OVCH1: variants seen among roughly 807,000 people sequenced by gnomAD.
The protein encoded by OVCH1 is ovochymase 1.
In OVCH1, 139 loss-of-function variants were observed where a neutral mutation model predicts 138.4. The observed-to-expected ratio is 1.00, with a 90% CI of 0.87 to 1.16. The LOEUF is 1.16. Ranked by LOEUF, OVCH1 falls within the 50% of genes most tolerant of loss-of-function variation. The probability of loss-of-function intolerance (pLI) is 0.00; values close to 1 mark genes in which losing one functional copy is unlikely to be tolerated. For synonymous variants in OVCH1, 453 were observed against 467.8 expected, an observed-to-expected ratio of 0.97 and a Z score of 0.41; for missense variants, 1,367 against 1,357.9, an observed-to-expected ratio of 1.01 and a Z score of -0.11.
intron 17 of OVCH1, among the ~76,000 whole-genome samples, 175 bp downstream of exon 17, chr12:29,464,972 A>T (rs1376238175): frequency 1.3e-5 from 2 of 152,186 alleles, no homozygotes; most frequent in Non-Finnish European, 2.9e-5. Flanking sequence ...TACTTCCTGC[A>T]ATTCTCAAGT....
At chr12:29,483,365 G>T (rs1417592491) in intron 8 of OVCH1, among the ~76,000 whole-genome samples, 1 of 152,154 alleles carries the variant, frequency 6.6e-6, no homozygotes, top group East Asian at 1.9e-4. Context: ...TCACAAGTTT[G>T]CCTGAGACAA....
Position 29,451,578 on chromosome 12 carries a change from C to G in OVCH1, c.2531-9G>C, listed in dbSNP as rs1187724955. On this transcript the variant is annotated splice_polypyrimidine_tract_variant and intron_variant, in intron 21 of 27. Coordinates refer to ENST00000318184, the Ensembl canonical transcript of OVCH1. ...TGCTTCAGAGCAACAACCTGCAATT[C>G]AGAACACACAGACACCAGGGACCAA... 5.0e-6 allele frequency: 8 copies of G among 1,596,100 alleles called. No homozygotes were observed. The highest frequency in any genetic ancestry group is 2.7e-5 in the African/African-American group (2 of 74,654).
intron 25 of OVCH1, chr12:29,440,649 T>TA (rs1234341885): frequency 2.2e-6 from 1 of 449,062 alleles, no homozygotes; most frequent in African/African-American, 2.0e-5. Context: ...ATACATCATT[T>TA]TCATAGATAC....
chr12:29,431,685 C>G (rs1448511662), intron 27 of OVCH1, among the ~76,000 whole-genome samples: 1 of 152,100 alleles, frequency 6.6e-6, no homozygotes. Context: ...CGTGTTTTAT[C>G]TGCAATCTTA....
chr12:29,446,774 G>A (rs977010822), intron 22 of OVCH1, among the ~76,000 whole-genome samples: 4 of 151,848 alleles, frequency 2.6e-5, no homozygotes, highest in Non-Finnish European at 4.4e-5. Context: ...CAGGTATAGA[G>A]TCACTTTGCC....
intron 22 of OVCH1, among the ~76,000 whole-genome samples, chr12:29,446,913 C>T (rs185153193): frequency 1.5e-4 from 22 of 151,290 alleles, no homozygotes; most frequent in African/African-American, 5.1e-4. Context: ...AAGACATGTA[C>T]GGATACATTT....
intron 3 of OVCH1, among the ~76,000 whole-genome samples, chr12:29,413,811 C>A (rs1006489563): frequency 6.6e-6 from 1 of 152,120 alleles, no homozygotes; most frequent in Non-Finnish European, 1.5e-5. Flanking sequence ...TTTTACTGTT[C>A]TTAAAAAAAT....
chr12:29,430,694 A>G (rs1941253120), intron 27 of OVCH1, among the ~76,000 whole-genome samples: 1 of 152,220 alleles, frequency 6.6e-6, no homozygotes, highest in Non-Finnish European at 1.5e-5. Flanking sequence ...GTTTCCAGGC[A>G]GTGGGTGAGC....
chr12:29,443,585 T>C, intron 24 of OVCH1, 85 bp from the exon 25 acceptor site: 1 of 1,322,490 alleles, frequency 7.6e-7, no homozygotes, highest in Non-Finnish European at 1.0e-6. Flanking sequence ...AATGCATCAA[T>C]GTTATTGACC....
intron 25 of OVCH1, among the ~76,000 whole-genome samples, chr12:29,441,858 A>G (rs1171230024): frequency 1.3e-5 from 2 of 152,180 alleles, no homozygotes; most frequent in African/African-American, 4.8e-5. Context: ...GCAGCCAAAA[A>G]ACACATGAAA....
At chr12:29,417,472 A>G (rs984330630) in intron 3 of OVCH1, among the ~76,000 whole-genome samples, 2 of 149,474 alleles carry the variant, frequency 1.3e-5, no homozygotes, top group Admixed American at 1.3e-4. Context: ...AAAAAAAAAA[A>G]AAAAAAAAAA....
downstream of OVCH1, among the ~76,000 whole-genome samples, chr12:29,422,843 C>CTT (rs1941124235): frequency 6.6e-6 from 1 of 152,130 alleles, no homozygotes; most frequent in Non-Finnish European, 1.5e-5. Flanking sequence ...TCTGTTTTGG[C>CTT]TTGAATGTCC....
chr12:29,405,773 A>G, the OVCH1 span, among the ~76,000 whole-genome samples: 2 of 152,228 alleles, frequency 1.3e-5, no homozygotes, highest in Non-Finnish European at 2.9e-5. Flanking sequence ...AGTACAATTC[A>G]TTTTTAAATG....
chr12:29,485,608 A>G (rs974683803), intron 8 of OVCH1, among the ~76,000 whole-genome samples: 1 of 152,164 alleles, frequency 6.6e-6, no homozygotes, highest in Admixed American at 6.5e-5. Flanking sequence ...ACACGTCTCT[A>G]CTAAAAATGC....
chr12:29,426,463 T>C (rs944357829), downstream of OVCH1, among the ~76,000 whole-genome samples: 8 of 152,216 alleles, frequency 5.3e-5, no homozygotes, highest in African/African-American at 7.2e-5. Flanking sequence ...CCCAAATTGA[T>C]ATCTATAGCT....
downstream of OVCH1, among the ~76,000 whole-genome samples, chr12:29,425,005 T>C (rs1430526958): frequency 6.6e-6 from 1 of 152,166 alleles, no homozygotes; most frequent in Non-Finnish European, 1.5e-5. Flanking sequence ...CCTAATTTCA[T>C]TTTTTAAAAG....
At chr12:29,477,710 A>T in intron 9 of OVCH1, 1 of 1,058,024 alleles carries the variant, frequency 9.5e-7, no homozygotes, top group East Asian at 2.6e-5. Flanking sequence ...TCAGGGCCTA[A>T]CTCAAAATTC....
chr12:29,451,535 T>C (rs1941795794), exon 22 of OVCH1: 1 of 1,612,182 alleles, frequency 6.2e-7, no homozygotes, highest in South Asian at 1.1e-5. Flanking sequence ...GAAAAAAGCC[T>C]CTAGGCTTTT....
chr12:29,485,293 G>C (rs1943057484), intron 8 of OVCH1, among the ~76,000 whole-genome samples: 1 of 146,842 alleles, frequency 6.8e-6, no homozygotes, highest in Admixed American at 6.8e-5. Context: ...ACTCCAGCCT[G>C]GGTGGAGAAC....
Sources: gnomAD v4.1 joint callset for allele counts (sites outside exome capture counted in the v4.1 genomes callset) on GRCh38, gnomAD v4.1.1 for gene constraint, MANE v1.5 for transcripts, NCBI Gene and HGNC (gene_info 2026-07-23, HGNC 2026-07-21) for gene names.